The following FHIT variants were observed in gnomAD, a reference collection of about 807,000 sequenced individuals.
The protein encoded by FHIT is fragile histidine triad diadenosine triphosphatase.
In FHIT, 19 loss-of-function variants were observed where a neutral mutation model predicts 17.9. That is an observed-to-expected ratio of 1.06 (90% CI 0.74 to 1.56). The LOEUF (loss-of-function observed/expected upper bound fraction) is 1.56, where lower values mean the gene tolerates loss of function less well. FHIT is among the 40% of genes most tolerant of loss of function. The pLI, the probability that FHIT is intolerant of heterozygous loss-of-function variation, is 0.00. For synonymous variants in FHIT, 81 were observed against 69.7 expected (o/e 1.16, Z -0.81); for missense variants, 248 against 189.2 (o/e 1.31, Z -1.82).
intron 5 of FHIT, among the ~76,000 whole-genome samples, chr3:60,238,888 G>A (rs867325063): frequency 6.6e-6 from 1 of 152,284 alleles, no homozygotes; most frequent in Middle Eastern, 3.4e-3. Flanking sequence ...CATTAGGAAT[G>A]GAGCTGATTC....
chr3:60,772,170 C>T (rs1700066230), intron 4 of FHIT, among the ~76,000 whole-genome samples: 1 of 151,472 alleles, frequency 6.6e-6, no homozygotes, highest in Non-Finnish European at 1.5e-5. Flanking sequence ...AAAAAAGTTG[C>T]AGTTGGAATT....
intron 4 of FHIT, chr3:60,730,338 C>A: frequency 3.8e-6 from 1 of 263,680 alleles, no homozygotes. Context: ...TGGTGAATAT[C>A]ACTATCTTTG....
chr3:59,805,115 G>A (rs1700145611), intron 8 of FHIT, among the ~76,000 whole-genome samples: 1 of 152,092 alleles, frequency 6.6e-6, no homozygotes, highest in Non-Finnish European at 1.5e-5. Context: ...GCTGTATGGG[G>A]CACGGAATAA....
At chr3:60,130,994 C>CATATATATATGTATATATGTGT (rs1386144852) in intron 5 of FHIT, among the ~76,000 whole-genome samples, 1 of 106,630 alleles carries the variant, frequency 9.4e-6, no homozygotes, top group South Asian at 3.2e-4. Flanking sequence ...CATATATACA[C>CATATATATATGTATATATGTGT]ATATATACAT....
chr3:59,927,600 T>C (rs1194592032), intron 7 of FHIT, among the ~76,000 whole-genome samples: 1 of 152,066 alleles, frequency 6.6e-6, no homozygotes, highest in East Asian at 1.9e-4. Flanking sequence ...ACCCCGTCTC[T>C]ACTAAAAATA....
At chr3:60,363,953 A>G (rs1700008433) in intron 5 of FHIT, among the ~76,000 whole-genome samples, 2 of 152,080 alleles carry the variant, frequency 1.3e-5, no homozygotes, top group African/African-American at 4.8e-5. Flanking sequence ...AGGTTCCCAC[A>G]ACTGCTACCT....
chr3:60,131,078 T>TAC (rs530896941), intron 5 of FHIT, among the ~76,000 whole-genome samples: 4 of 68,352 alleles, frequency 5.9e-5, no homozygotes, highest in Non-Finnish European at 1.0e-4. Flanking sequence ...TATGTATGTA[T>TAC]ACACATATAT....
chr3:61,062,859 G>T (rs574207244), intron 2 of FHIT, among the ~76,000 whole-genome samples: 1 of 152,252 alleles, frequency 6.6e-6, no homozygotes, highest in South Asian at 2.1e-4. Context: ...TAGCTCCACG[G>T]GATACATAGT....
At chr3:60,006,150 C>T (rs907408259) in intron 7 of FHIT, among the ~76,000 whole-genome samples, 3 of 152,148 alleles carry the variant, frequency 2.0e-5, no homozygotes, top group African/African-American at 7.2e-5. Context: ...ATCATCTGTG[C>T]ATACACCAGA....
chr3:60,025,128 C>A (rs557965861), intron 5 of FHIT, among the ~76,000 whole-genome samples: 1 of 152,144 alleles, frequency 6.6e-6, no homozygotes, highest in Admixed American at 6.6e-5. Context: ...TTTTGAGATA[C>A]GGTGGGTGGG....
intron 3 of FHIT, among the ~76,000 whole-genome samples, chr3:60,894,496 G>A (rs886856285): frequency 1.1e-4 from 16 of 152,200 alleles, no homozygotes; most frequent in South Asian, 4.1e-4. Flanking sequence ...GTCAAGAGAT[G>A]ATGTGAGACG....
At chr3:60,791,506 T>A (rs1700775476) in intron 4 of FHIT, among the ~76,000 whole-genome samples, 1 of 152,216 alleles carries the variant, frequency 6.6e-6, no homozygotes, top group Non-Finnish European at 1.5e-5. Flanking sequence ...TAAGAAGTAT[T>A]TATTTCACAT....
At chr3:60,801,399 G>A (rs1398893315) in intron 4 of FHIT, among the ~76,000 whole-genome samples, 14 of 152,226 alleles carry the variant, frequency 9.2e-5, no homozygotes, top group African/African-American at 3.4e-4. Flanking sequence ...GGAGACAAGA[G>A]GATGTGAGAT....
chr3:60,224,218 G>A (rs563662708), intron 5 of FHIT, among the ~76,000 whole-genome samples: 46 of 152,206 alleles, frequency 3.0e-4, no homozygotes, highest in Non-Finnish European at 5.7e-4. Flanking sequence ...ACAGCACTGA[G>A]GTTCACAGAG....
chr3:61,206,871 G>A (rs956525599), intron 1 of FHIT, among the ~76,000 whole-genome samples: 1 of 152,176 alleles, frequency 6.6e-6, no homozygotes, highest in Non-Finnish European at 1.5e-5. Context: ...TAGGAGTGGT[G>A]AGAGAGGGCA....
chr3:60,399,181 T>C (rs1044308527), intron 5 of FHIT, among the ~76,000 whole-genome samples: 1 of 152,166 alleles, frequency 6.6e-6, no homozygotes, highest in Non-Finnish European at 1.5e-5. Context: ...TATAAAAAGT[T>C]TCCTCTTATC....
intron 5 of FHIT, among the ~76,000 whole-genome samples, chr3:60,154,575 T>G (rs781763259): frequency 2.0e-5 from 3 of 152,192 alleles, no homozygotes; most frequent in African/African-American, 7.2e-5. Context: ...ACTTATAATA[T>G]TCCAAGCTGT....
At chr3:60,890,451 C>T (rs1171338654) in intron 3 of FHIT, among the ~76,000 whole-genome samples, 1 of 152,164 alleles carries the variant, frequency 6.6e-6, no homozygotes, top group East Asian at 1.9e-4. Context: ...TCCTGACCTA[C>T]AGAACCTTGA....
chr3:60,901,168 G>A (rs937854371), intron 3 of FHIT, among the ~76,000 whole-genome samples: 2 of 151,770 alleles, frequency 1.3e-5, no homozygotes, highest in Admixed American at 1.3e-4. Context: ...CTTAGCTTTA[G>A]GCTCCAAAAT....
Sources: allele counts gnomAD v4.1 joint callset (sites outside exome capture counted in the v4.1 genomes callset), GRCh38; gene constraint gnomAD v4.1.1; transcripts MANE v1.5; gene names NCBI Gene and HGNC (gene_info 2026-07-23, HGNC 2026-07-21).